The following SNTG1 variants were observed in gnomAD, a reference collection of about 807,000 sequenced individuals.
The protein encoded by SNTG1 is gamma-1-syntrophin.
In SNTG1, 39 loss-of-function variants were observed where a neutral mutation model predicts 74.7. The ratio of observed to expected loss-of-function variants is 0.52; its 90% CI spans 0.40 to 0.68. The LOEUF is 0.68. SNTG1 is among the 30% of genes least tolerant of loss of function. The pLI is 0.00. For missense variants in SNTG1, 685 were observed against 609.5 expected (o/e 1.12, Z -1.30); for synonymous variants, 254 against 217.1 (o/e 1.17, Z -1.49).
At chr8:50,229,681 A>T (rs2085519013) in intron 2 of SNTG1, among the ~76,000 whole-genome samples, 1 of 151,452 alleles carries the variant, frequency 6.6e-6, no homozygotes, top group Non-Finnish European at 1.5e-5. Context: ...ACATTGATTA[A>T]GCAGGCAAAA....
chr8:50,626,647 C>T (rs898264466), intron 13 of SNTG1, among the ~76,000 whole-genome samples: 21 of 152,342 alleles, frequency 1.4e-4, no homozygotes, highest in African/African-American at 4.8e-4. Context: ...AGGAACATGT[C>T]CTTAAGGCAC....
chr8:50,319,622 A>C (rs1323596414), intron 2 of SNTG1, among the ~76,000 whole-genome samples: 2 of 152,202 alleles, frequency 1.3e-5, no homozygotes, highest in Non-Finnish European at 1.5e-5. Context: ...ATAGCGGTGA[A>C]AGTGGGCATC....
chr8:50,442,680 T>TAAAAAAAAAAAAAAAAAAAAAAAAAAA (rs5891365), intron 5 of SNTG1, among the ~76,000 whole-genome samples: 2 of 81,196 alleles, frequency 2.5e-5, no homozygotes, highest in African/African-American at 1.0e-4. Context: ...TGTCTATCAG[T>TAAAAAAAAAAAAAAAAAAAAAAAAAAA]AAAAAAAAAA....
At chr8:50,710,286 T>G (rs2131556249) in intron 17 of SNTG1, among the ~76,000 whole-genome samples, 1 of 152,308 alleles carries the variant, frequency 6.6e-6, no homozygotes, top group African/African-American at 2.4e-5. Flanking sequence ...CAATGACTCT[T>G]GAAAACTTTC....
chr8:50,326,902 CT>C (rs972161600), intron 2 of SNTG1, among the ~76,000 whole-genome samples: 1 of 151,246 alleles, frequency 6.6e-6, no homozygotes, highest in African/African-American at 2.4e-5. Context: ...TTTTTATTTA[CT>C]TTGTTTGAAA....
chr8:50,305,931 T>A (rs1444902746), intron 2 of SNTG1, among the ~76,000 whole-genome samples: 5 of 152,038 alleles, frequency 3.3e-5, no homozygotes, highest in African/African-American at 1.2e-4. Context: ...TTCAATAGCT[T>A]TGGGGGTACA....
rs150063510 is a variant in SNTG1, at chr8:50,011,123, G to C, written c.-103+98892G>C. Reference sequence around the variant, plus strand: ...CCTGCTTTGAAATGACACAAGCTCTGTAATAAATATTGAGGATGACAGAAT... The same window carrying C: ...CCTGCTTTGAAATGACACAAGCTCTCTAATAAATATTGAGGATGACAGAAT... On this transcript the variant is annotated intron_variant, in intron 1 of 18. Coordinates refer to ENST00000642720, the MANE Select transcript of SNTG1 (RefSeq NM_018967.5). 7.7e-3 allele frequency among the ~76,000 whole-genome samples: 1,171 copies of C among 152,130 alleles called. 17 individuals carry two copies. The highest frequency in any genetic ancestry group is 0.026 in the African/African-American group (1,090 of 41,508).
chr8:50,548,786 A>C (rs2094405898), intron 11 of SNTG1, among the ~76,000 whole-genome samples: 1 of 152,230 alleles, frequency 6.6e-6, no homozygotes, highest in African/African-American at 2.4e-5. Flanking sequence ...ATGGCACCTG[A>C]GTTAACTTCT....
At chr8:50,317,938 G>A (rs113003570) in intron 2 of SNTG1, among the ~76,000 whole-genome samples, 2 of 152,214 alleles carry the variant, frequency 1.3e-5, no homozygotes, top group African/African-American at 2.4e-5. Flanking sequence ...CCGGGTTCAC[G>A]CCATTCTCCT....
intron 2 of SNTG1, among the ~76,000 whole-genome samples, chr8:50,189,386 C>A (rs2083487994): frequency 6.6e-6 from 1 of 151,958 alleles, no homozygotes; most frequent in Non-Finnish European, 1.5e-5. Context: ...TAGGCCCTAA[C>A]CCCAGAGTTT....
At chr8:50,702,033 T>C (rs1387055125) in intron 15 of SNTG1, among the ~76,000 whole-genome samples, 6 of 146,576 alleles carry the variant, frequency 4.1e-5, no homozygotes, top group Non-Finnish European at 8.9e-5. Context: ...GTATTTTTAT[T>C]AGAAATGGGG....
intron 13 of SNTG1, among the ~76,000 whole-genome samples, chr8:50,597,954 G>A (rs754328119): frequency 5.9e-5 from 9 of 151,472 alleles, no homozygotes; most frequent in Non-Finnish European, 1.2e-4. Context: ...TATATATTAC[G>A]GTTATTAATA....
At chr8:50,462,305 G>C (rs1414982881) in intron 8 of SNTG1, among the ~76,000 whole-genome samples, 8 of 150,346 alleles carry the variant, frequency 5.3e-5, no homozygotes, top group African/African-American at 1.9e-4. Context: ...TCTTAAAAAT[G>C]TACATAACTT....
chr8:50,576,734 A>C (rs1326823674), intron 12 of SNTG1, among the ~76,000 whole-genome samples: 1 of 152,042 alleles, frequency 6.6e-6, no homozygotes, highest in Non-Finnish European at 1.5e-5. Context: ...ATTATAAATA[A>C]AAATTTTAAG....
intron 1 of SNTG1, among the ~76,000 whole-genome samples, chr8:50,098,782 A>G (rs1203242776): frequency 1.3e-5 from 2 of 152,206 alleles, no homozygotes; most frequent in Admixed American, 6.5e-5. Flanking sequence ...TTTAACATGA[A>G]TATATACAGT....
At position 50,704,674 on chromosome 8, in the gene SNTG1, A is replaced by G; in HGVS notation, c.1113A>G (p.Ser371=). 6.2e-7 allele frequency: 1 copy of G among 1,614,128 alleles called. No homozygotes were observed. Among genetic ancestry groups the G allele is most frequent in the Non-Finnish European group, 8.5e-7 (1 of 1,180,020 alleles). ...AGTCTGGGGAGGACCTGTACTTCTC[A>G]GTGGAGCTGGAAAGTGACCTCGCCC... is the stretch of plus-strand genomic sequence containing the variant. ...QSESGEDLYF[S]VELESDLAQW... Residue 371 remains serine, a synonymous_variant, in exon 16 of 19, where the codon TCA becomes TCG. Coordinates refer to ENST00000642720, the MANE Select transcript of SNTG1 (RefSeq NM_018967.5).
At chr8:50,082,893 C>T (rs1822538615) in intron 1 of SNTG1, among the ~76,000 whole-genome samples, 2 of 152,178 alleles carry the variant, frequency 1.3e-5, no homozygotes, top group African/African-American at 4.8e-5. Flanking sequence ...TCCCGTGCTA[C>T]TCCTACAGTT....
At chr8:50,576,228 A>G (rs2094576063) in intron 12 of SNTG1, among the ~76,000 whole-genome samples, 1 of 152,198 alleles carries the variant, frequency 6.6e-6, no homozygotes, top group African/African-American at 2.4e-5. Flanking sequence ...ATCATTAGTT[A>G]ATACGACTGT....
intron 4 of SNTG1, among the ~76,000 whole-genome samples, chr8:50,421,007 G>C (rs2093075481): frequency 2.5e-5 from 3 of 118,980 alleles, no homozygotes; most frequent in South Asian, 6.1e-4. Context: ...CCTGGCAACA[G>C]AGTGAGACTC....
Sources: gnomAD v4.1 joint callset for allele counts (sites outside exome capture counted in the v4.1 genomes callset) on GRCh38, gnomAD v4.1.1 for gene constraint, MANE v1.5 for transcripts, NCBI Gene and HGNC (gene_info 2026-07-23, HGNC 2026-07-21) for gene names.